Variants in SHC3 observed in about 807,000 individuals in gnomAD.
The protein encoded by SHC3 is SHC adaptor protein 3.
Under a neutral mutation model 60.4 loss-of-function variants are expected in SHC3, and 15 were observed. The observed-to-expected ratio is 0.25, with a 90% CI of 0.17 to 0.38. The LOEUF is 0.38. SHC3 is among the 10% of genes least tolerant of loss of function. SHC3 has a pLI of 1.00. For missense variants in SHC3, 677 were observed against 786.1 expected (o/e 0.86, Z 1.66); for synonymous variants, 294 against 325.9 (o/e 0.90, Z 1.05).
Position 89,075,102 on chromosome 9 carries a change from C to A in SHC3, c.729+7G>T. The A allele has an allele frequency of 6.2e-7, 1 of 1,613,638 alleles. No individual in the cohort carries two copies. Among genetic ancestry groups the A allele is most frequent in the South Asian group, 1.1e-5 (1 of 91,010 alleles). On this transcript the variant is annotated splice_region_variant and intron_variant, in intron 4 of 11. Transcript: ENST00000375835. ...GGCAGGGACAGGGGATCTGAGCACC[C>A]ATGTACCTGTTTGGAGTCCGGAGTT...
At chr9:89,166,949 G>A (rs760726283) in intron 1 of SHC3, among the ~76,000 whole-genome samples, 1 of 152,196 alleles carries the variant, frequency 6.6e-6, no homozygotes, top group Non-Finnish European at 1.5e-5. Context: ...ACTGTGTGGT[G>A]TAGACTCTAC....
intron 1 of SHC3, among the ~76,000 whole-genome samples, chr9:89,119,764 C>T (rs1445606235): frequency 6.6e-6 from 1 of 152,110 alleles, no homozygotes; most frequent in Non-Finnish European, 1.5e-5. Flanking sequence ...TCCCCCAGAA[C>T]ATGGGAAATT....
intron 2 of SHC3, chr9:89,109,897 A>G (rs1825921407): frequency 2.0e-6 from 2 of 985,464 alleles, no homozygotes; most frequent in African/African-American, 1.7e-5. Context: ...AAAGTATGCA[A>G]TTTCATAGCA....
intron 10 of SHC3, 63 bp downstream of exon 10, chr9:89,041,963 A>G: frequency 1.3e-6 from 2 of 1,595,308 alleles, no homozygotes; most frequent in Non-Finnish European, 1.7e-6. Context: ...CAGATTTCAA[A>G]TAAAAGGCAG....
intron 1 of SHC3, among the ~76,000 whole-genome samples, chr9:89,139,386 T>C (rs984995107): frequency 3.3e-5 from 5 of 151,424 alleles, no homozygotes; most frequent in African/African-American, 4.8e-5. Flanking sequence ...TTTTGCTTTA[T>C]TACACTTGGC....
intron 11 of SHC3, among the ~76,000 whole-genome samples, chr9:89,027,162 G>T (rs61072889): frequency 0.041 from 6,258 of 152,208 alleles, 436 homozygotes; most frequent in African/African-American, 0.14. Context: ...GGGGCTAGAC[G>T]CATTGTCCTG....
chr9:89,110,536 G>A (rs1825932385), intron 2 of SHC3: 1 of 874,806 alleles, frequency 1.1e-6, no homozygotes, highest in South Asian at 5.2e-5. Context: ...AGACATTGCT[G>A]TGTATTCTTC....
intron 2 of SHC3, among the ~76,000 whole-genome samples, chr9:89,101,799 T>C (rs1825786481): frequency 6.6e-6 from 1 of 152,084 alleles, no homozygotes; most frequent in South Asian, 2.1e-4. Flanking sequence ...TTTTCTTTTC[T>C]TGTAATGCCT....
chr9:89,009,730 G>A lies in SHC3; in HGVS notation c.*3717C>T, dbSNP rs1169174425. ...TGCCCTGGAAAGGCCTATAGTCCGA[G>A]GCTTCTGCCCAGCTCAGCCCAACAG... On this transcript the variant is annotated 3_prime_UTR_variant, in exon 12 of 12. Coordinates refer to ENST00000375835, the MANE Select transcript of SHC3 (RefSeq NM_016848.6). 3 of 152,180 alleles carry A rather than the reference G, an allele frequency of 2.0e-5. No individual in the cohort carries two copies. The highest frequency in any genetic ancestry group is 4.4e-5 in the Non-Finnish European group (3 of 68,056). The allele number at this position is 152,180 out of a possible 1,614,324, so 9.4% of individuals were successfully genotyped here. A position where few individuals can be genotyped will look rare whatever the true frequency, so the allele number is the denominator to read the frequency against.
Position 89,083,542 on chromosome 9 carries a change from A to G in SHC3, c.546-5639T>C, listed in dbSNP as rs530976881. On this transcript the variant is annotated intron_variant, in intron 2 of 11. Transcript: ENST00000375835. ...TTTTACTAGACCCTGATATGATAGA[A>G]ATAGTGTCAGTGTGTAGACAGGCAG... 7.6e-4 allele frequency among the ~76,000 whole-genome samples: 116 copies of G among 152,302 alleles called. 1 individual carries two copies. Among genetic ancestry groups the G allele is most frequent in the Non-Finnish European group, 1.4e-3 (95 of 68,024 alleles).
At chr9:89,096,172 T>TA (rs1302034395) in intron 2 of SHC3, among the ~76,000 whole-genome samples, 1 of 152,198 alleles carries the variant, frequency 6.6e-6, no homozygotes, top group Non-Finnish European at 1.5e-5. Context: ...CTTGTTCAGA[T>TA]AAAAACAAGA....
intron 1 of SHC3, among the ~76,000 whole-genome samples, chr9:89,165,851 C>A (rs1200745345): frequency 1.3e-5 from 2 of 152,194 alleles, no homozygotes; most frequent in Non-Finnish European, 2.9e-5. Context: ...GTAGATGTTT[C>A]AGTAGCCTTG....
At chr9:89,164,870 T>C (rs1024334725) in intron 1 of SHC3, among the ~76,000 whole-genome samples, 1 of 152,148 alleles carries the variant, frequency 6.6e-6, no homozygotes, top group Admixed American at 6.5e-5. Flanking sequence ...CAAAGTAGCC[T>C]TCACCAATAG....
intron 1 of SHC3, among the ~76,000 whole-genome samples, chr9:89,165,297 C>A (rs1826770518): frequency 7.0e-6 from 1 of 143,416 alleles, no homozygotes; most frequent in African/African-American, 2.8e-5. Context: ...TTCACACACC[C>A]TGGAAATATA....
chr9:89,058,605 G>T (rs1326575284), intron 6 of SHC3, among the ~76,000 whole-genome samples: 1 of 144,272 alleles, frequency 6.9e-6, no homozygotes, highest in Non-Finnish European at 1.5e-5. Flanking sequence ...GTGGTGTTAG[G>T]ACGTGGTGGA....
intron 6 of SHC3, 132 bp downstream of exon 6, chr9:89,065,397 T>C (rs1015264364): frequency 2.2e-5 from 21 of 971,724 alleles, no homozygotes; most frequent in Admixed American, 1.4e-4. Context: ...GCAAACCTCA[T>C]TCATCCTTAG....
rs180901196 is a variant in SHC3 at position 89,009,847 on chromosome 9, G to T, written c.*3600C>A. ...CTTCAAGCATTGCTTATAGAAAGAA[G>T]CTACCCAAGTGTCGGACGCTACTGA... On this transcript the variant is annotated 3_prime_UTR_variant, in exon 12 of 12. Coordinates refer to ENST00000375835, the MANE Select transcript of SHC3 (RefSeq NM_016848.6). 1 of 152,240 alleles carries T rather than the reference G, an allele frequency of 6.6e-6. No homozygotes were observed. Among genetic ancestry groups the T allele is most frequent in the African/African-American group, 2.4e-5 (1 of 41,456 alleles). 9.4% of individuals were successfully genotyped at this position (152,240 alleles called of 1,614,324 possible). A position where few individuals can be genotyped will look rare whatever the true frequency, so the allele number is the denominator to read the frequency against.
chr9:89,166,637 A>G (rs1432879754), intron 1 of SHC3, among the ~76,000 whole-genome samples: 3 of 152,176 alleles, frequency 2.0e-5, no homozygotes, highest in East Asian at 1.9e-4. Context: ...GGGGGCACCA[A>G]TGAACCTTTT....
intron 1 of SHC3, among the ~76,000 whole-genome samples, chr9:89,127,148 G>C (rs1180480580): frequency 6.6e-6 from 1 of 152,118 alleles, no homozygotes; most frequent in East Asian, 1.9e-4. Flanking sequence ...CTGGGTTCAG[G>C]GTTCAATTCC....
Sources: allele counts gnomAD v4.1 joint callset (sites outside exome capture counted in the v4.1 genomes callset), GRCh38; gene constraint gnomAD v4.1.1; transcripts MANE v1.5; gene names NCBI Gene and HGNC (gene_info 2026-07-23, HGNC 2026-07-21).